Variants in HSD17B12 observed in about 807,000 individuals in gnomAD.
The protein encoded by HSD17B12 is very-long-chain 3-oxoacyl-CoA reductase.
A neutral mutation model predicts 39.3 loss-of-function variants in HSD17B12; 32 were observed. The ratio of observed to expected loss-of-function variants is 0.81; its 90% confidence interval spans 0.61 to 1.09. The LOEUF is 1.09. Among genes scored for constraint, HSD17B12 ranks in the 50% least tolerant of loss-of-function variants. The pLI, the probability that HSD17B12 is intolerant of heterozygous loss-of-function variation, is 0.00. For missense variants in HSD17B12, 342 were observed against 382.9 expected (o/e 0.89, Z 0.89); for synonymous variants, 150 against 146.7 (o/e 1.02, Z -0.16).
the HSD17B12 span, among the ~76,000 whole-genome samples, chr11:43,590,506 A>ATTTTTTTTTTTTTTTTTTTT: frequency 5.5e-3 from 282 of 51,606 alleles, 73 homozygotes; most frequent in Non-Finnish European, 7.3e-3. Flanking sequence ...GGAGTGAGTG[A>ATTTTTTTTTTTTTTTTTTTT]TTTTTTTTTT....
chr11:43,683,562 A>C (rs1323399489), intron 1 of HSD17B12, among the ~76,000 whole-genome samples: 2 of 152,208 alleles, frequency 1.3e-5, no homozygotes, highest in African/African-American at 4.8e-5. Context: ...ACAAACTAGC[A>C]GAGATGACAC....
the HSD17B12 span, among the ~76,000 whole-genome samples, chr11:43,666,654 A>G: frequency 1.3e-5 from 2 of 152,298 alleles, no homozygotes; most frequent in Non-Finnish European, 2.9e-5. Context: ...GAAGATTTTG[A>G]GGGGACTCAT....
chr11:43,633,422 C>CTTGGGAGGCTGAGGCAGGAGAATCATT, the HSD17B12 span, among the ~76,000 whole-genome samples: 1 of 152,082 alleles, frequency 6.6e-6, no homozygotes, highest in Non-Finnish European at 1.5e-5. Flanking sequence ...GTCTCAGCTA[C>CTTGGGAGGCTGAGGCAGGAGAATCATT]TTGGGAGGCT....
intron 1 of HSD17B12, among the ~76,000 whole-genome samples, chr11:43,722,967 G>A (rs1340155885): frequency 2.6e-5 from 4 of 152,170 alleles, no homozygotes; most frequent in Non-Finnish European, 4.4e-5. Context: ...TTGCTGTGCC[G>A]TGAATAGACT....
intron 6 of HSD17B12, among the ~76,000 whole-genome samples, chr11:43,817,804 A>T (rs535651046): frequency 7.9e-5 from 12 of 151,572 alleles, no homozygotes; most frequent in African/African-American, 2.9e-4. Context: ...CTTTTTGCTT[A>T]GTCTTTTTTT....
chr11:43,609,719 C>A, the HSD17B12 span, among the ~76,000 whole-genome samples: 2 of 152,130 alleles, frequency 1.3e-5, no homozygotes, highest in Non-Finnish European at 2.9e-5. Context: ...AGAGGACCCC[C>A]AACTTGGCAA....
At chr11:43,838,540 C>T (rs1049103127) in intron 8 of HSD17B12, 142 bp downstream of exon 8, 2 of 641,870 alleles carry the variant, frequency 3.1e-6, no homozygotes, top group Non-Finnish European at 5.5e-6. Context: ...AAATACCCTA[C>T]TTGAGTTTCA....
chr11:43,581,398 C>T, the HSD17B12 span: 1 of 514,476 alleles, frequency 1.9e-6, no homozygotes, highest in Non-Finnish European at 4.0e-6. The surrounding 1 kb of genome is among the most constrained non-coding windows in gnomAD (Gnocchi z 4.9). Flanking sequence ...ATATTCTGCC[C>T]TTCGCGAATC....
At chr11:43,662,366 TTTTA>T in the HSD17B12 span, among the ~76,000 whole-genome samples, 3 of 142,870 alleles carry the variant, frequency 2.1e-5, no homozygotes, top group African/African-American at 7.8e-5. Context: ...TCCCTGCTAA[TTTTA>T]TTTTATTTGT....
upstream of HSD17B12, among the ~76,000 whole-genome samples, chr11:43,678,385 C>T (rs542129011): frequency 6.6e-6 from 1 of 152,172 alleles, no homozygotes; most frequent in East Asian, 1.9e-4. Flanking sequence ...CTGTAGGTTG[C>T]CTGTTCACTC....
intron 3 of HSD17B12, among the ~76,000 whole-genome samples, chr11:43,773,185 T>G (rs984621935): frequency 6.6e-6 from 1 of 152,208 alleles, no homozygotes; most frequent in African/African-American, 2.4e-5. Flanking sequence ...TTAAGAACAT[T>G]TTATCTTACT....
chr11:43,658,952 T>C, the HSD17B12 span, among the ~76,000 whole-genome samples: 1 of 152,212 alleles, frequency 6.6e-6, no homozygotes, highest in African/African-American at 2.4e-5. Flanking sequence ...CTGCAGAGGT[T>C]ATTGCTGTCT....
the HSD17B12 span, among the ~76,000 whole-genome samples, chr11:43,601,623 G>A: frequency 6.6e-6 from 1 of 151,934 alleles, no homozygotes; most frequent in African/African-American, 2.4e-5. Context: ...AGTTCACACT[G>A]TCTGGTTTGG....
At chr11:43,686,010 T>G (rs12294299) in intron 1 of HSD17B12, among the ~76,000 whole-genome samples, 1 of 151,944 alleles carries the variant, frequency 6.6e-6, no homozygotes, top group African/African-American at 2.4e-5. Flanking sequence ...TACTGGAAAG[T>G]TACTAAGGTG....
chr11:43,696,905 A>G (rs1047767412), intron 1 of HSD17B12, among the ~76,000 whole-genome samples: 1 of 152,060 alleles, frequency 6.6e-6, no homozygotes, highest in Non-Finnish European at 1.5e-5. Flanking sequence ...GCAAACTAAC[A>G]TAGGAACAGA....
At chr11:43,847,766 T>C (rs1951492007) in intron 9 of HSD17B12, among the ~76,000 whole-genome samples, 1 of 150,962 alleles carries the variant, frequency 6.6e-6, no homozygotes, top group Non-Finnish European at 1.5e-5. Flanking sequence ...TGCTTGTTAC[T>C]ACTTTCCAGT....
chr11:43,714,406 T>C (rs1590685498), intron 1 of HSD17B12, among the ~76,000 whole-genome samples: 1 of 152,232 alleles, frequency 6.6e-6, no homozygotes, highest in East Asian at 1.9e-4. Flanking sequence ...CTTGATTTTG[T>C]CAGGTTTGTC....
At chr11:43,804,274 T>C (rs1471619504) in intron 4 of HSD17B12, among the ~76,000 whole-genome samples, 1 of 152,212 alleles carries the variant, frequency 6.6e-6, no homozygotes, top group Admixed American at 6.5e-5. Context: ...TCTCTGTCCA[T>C]AGTGTTGATG....
At chr11:43,695,009 A>T (rs1949897119) in intron 1 of HSD17B12, among the ~76,000 whole-genome samples, 1 of 151,972 alleles carries the variant, frequency 6.6e-6, no homozygotes, top group South Asian at 2.1e-4. Flanking sequence ...GAGATGGTGA[A>T]ACCCCATCTC....
Sources: gnomAD v4.1 joint callset for allele counts (sites outside exome capture counted in the v4.1 genomes callset) on GRCh38, gnomAD v4.1.1 for gene constraint, Gnocchi (gnomAD v3.1) non-coding constraint, MANE v1.5 for transcripts, NCBI Gene and HGNC (gene_info 2026-07-23, HGNC 2026-07-21) for gene names.